Variants in NRG1 observed in about 807,000 individuals in gnomAD.
NRG1 encodes the protein neuregulin 1, also known as pro-neuregulin-1, membrane-bound isoform.
In NRG1, 18 loss-of-function variants were observed where a neutral mutation model predicts 63.8. The ratio of observed to expected loss-of-function variants is 0.28; its 90% confidence interval spans 0.19 to 0.42. The LOEUF (loss-of-function observed/expected upper bound fraction) is 0.42, where lower values mean the gene tolerates loss of function less well. Among genes scored for constraint, NRG1 ranks in the 10% least tolerant of loss-of-function variants. The probability of loss-of-function intolerance (pLI) is 1.00; values close to 1 mark genes in which losing one functional copy is unlikely to be tolerated. For missense variants in NRG1, 762 were observed against 814.7 expected (o/e 0.94, Z 0.79); for synonymous variants, 302 against 301.3 (o/e 1.00, Z -0.02).
chr8:32,206,301 A>T (rs544965522), intron 1 of NRG1, among the ~76,000 whole-genome samples: 1 of 152,084 alleles, frequency 6.6e-6, no homozygotes, highest in African/African-American at 2.4e-5. Flanking sequence ...TTCAGTACCT[A>T]ATGGCTCTCG....
intron 5 of NRG1, among the ~76,000 whole-genome samples, chr8:32,696,698 G>A (rs1589260510): frequency 9.1e-6 from 1 of 109,948 alleles, no homozygotes; most frequent in African/African-American, 3.6e-5. Context: ...TCGTGCTCTT[G>A]TTGCCCAGGC....
chr8:32,387,724 GA>G (rs5890644), intron 1 of NRG1, among the ~76,000 whole-genome samples: 82,707 of 146,678 alleles, frequency 0.56, 22,915 homozygotes, highest in South Asian at 0.63. Flanking sequence ...TGATGAAAAA[GA>G]AAAAAAAAAA....
intron 1 of NRG1, among the ~76,000 whole-genome samples, chr8:32,091,841 A>T (rs1829206041): frequency 6.6e-6 from 1 of 152,152 alleles, no homozygotes; most frequent in Non-Finnish European, 1.5e-5. Flanking sequence ...GAGGTCAGAA[A>T]GCTAAGGTGA....
chr8:32,607,096 A>T (rs1845409471), intron 3 of NRG1, among the ~76,000 whole-genome samples: 1 of 152,164 alleles, frequency 6.6e-6, no homozygotes, highest in African/African-American at 2.4e-5. Flanking sequence ...CATTACCATT[A>T]GGAGTCCTGT....
At chr8:32,527,052 T>C (rs780315562) in intron 1 of NRG1, among the ~76,000 whole-genome samples, 2 of 152,194 alleles carry the variant, frequency 1.3e-5, no homozygotes, top group Non-Finnish European at 2.9e-5. Flanking sequence ...AATTGGCATC[T>C]GTACTTGGAC....
rs117776748 is a variant in NRG1, at chr8:32,264,862, G to A, written c.38-330966G>A. On this transcript the variant is annotated intron_variant, in intron 1 of 10. Transcript: ENST00000519301. The stretch of plus-strand genomic sequence containing the variant: ...ATACGGTTTGGAAAGACTTCGTGGA[G>A]GAAGTGGCATATCAACAGGGACTTG... Among the ~76,000 whole-genome samples the A allele has an allele frequency of 6.3e-4, 96 of 152,162 alleles. 2 individuals carry two copies. The East Asian group carries it at 0.016, about 26-fold the overall frequency.
At chr8:31,949,971 CA>C (rs1803215565) in intron 1 of NRG1, among the ~76,000 whole-genome samples, 1 of 152,210 alleles carries the variant, frequency 6.6e-6, no homozygotes. Flanking sequence ...CATCCATTAG[CA>C]TGTCTTGGCT....
chr8:31,665,502 A>AG (rs1806436797), intron 1 of NRG1, among the ~76,000 whole-genome samples: 1 of 152,216 alleles, frequency 6.6e-6, no homozygotes, highest in South Asian at 2.1e-4. Flanking sequence ...AAGGAATTTC[A>AG]GGCAGAGAAT....
At chr8:32,443,074 A>G (rs575934500) in intron 1 of NRG1, among the ~76,000 whole-genome samples, 3 of 152,194 alleles carry the variant, frequency 2.0e-5, no homozygotes, top group East Asian at 3.9e-4. Context: ...AGCTAGGACT[A>G]CAAGTGGATG....
At chr8:32,481,338 T>TAATA (rs575195687) in intron 1 of NRG1, among the ~76,000 whole-genome samples, 12 of 116,712 alleles carry the variant, frequency 1.0e-4, no homozygotes, top group South Asian at 2.8e-4. Flanking sequence ...GAACCTGTCT[T>TAATA]AATAAATAAA....
chr8:32,346,378 T>TTGA (rs1804896265), intron 1 of NRG1, among the ~76,000 whole-genome samples: 1 of 151,502 alleles, frequency 6.6e-6, no homozygotes, highest in African/African-American at 2.4e-5. Flanking sequence ...TTTAAATCTG[T>TTGA]TGACCAAAAC....
intron 5 of NRG1, among the ~76,000 whole-genome samples, chr8:32,726,165 T>A (rs1183157602): frequency 6.6e-6 from 1 of 152,152 alleles, no homozygotes; most frequent in Non-Finnish European, 1.5e-5. Flanking sequence ...AACATGCACA[T>A]CCTTAGGAAT....
chr8:32,368,631 A>C (rs1300242498), intron 1 of NRG1, among the ~76,000 whole-genome samples: 1 of 152,176 alleles, frequency 6.6e-6, no homozygotes, highest in Admixed American at 6.5e-5. Context: ...TAGCTTGTTC[A>C]AGTGTAGAAG....
chr8:32,188,876 G>T (rs1214148485), intron 1 of NRG1, among the ~76,000 whole-genome samples: 3 of 151,716 alleles, frequency 2.0e-5, no homozygotes, highest in African/African-American at 4.8e-5. Flanking sequence ...TGAGTTAATG[G>T]GTGCAGCACA....
chr8:32,330,966 T>C (rs1802571312), intron 1 of NRG1, among the ~76,000 whole-genome samples: 1 of 152,206 alleles, frequency 6.6e-6, no homozygotes, highest in Non-Finnish European at 1.5e-5. Context: ...TTTTGTTTTG[T>C]TTTCCTGTAC....
chr8:32,489,314 A>G (rs1023888661), intron 1 of NRG1, among the ~76,000 whole-genome samples: 4 of 152,198 alleles, frequency 2.6e-5, no homozygotes, highest in Non-Finnish European at 4.4e-5. Flanking sequence ...TTGGCCTCTT[A>G]GTGCATATGT....
intron 5 of NRG1, among the ~76,000 whole-genome samples, chr8:32,640,620 GCACACACACACACACACACACACA>G (rs58796067): frequency 3.8e-5 from 5 of 132,224 alleles, no homozygotes; most frequent in African/African-American, 8.5e-5. Context: ...TCTCAGACCC[GCACACACACACACACACACACACA>G]CACACACACA....
exon 12 of NRG1, chr8:32,764,328 C>G: frequency 1.9e-6 from 3 of 1,613,724 alleles, no homozygotes; most frequent in Non-Finnish European, 1.7e-6. Flanking sequence ...CCCAGCAGGC[C>G]GCTTCTCGAC....
chr8:32,606,371 A>C (rs1440368465), intron 3 of NRG1, among the ~76,000 whole-genome samples: 2 of 151,966 alleles, frequency 1.3e-5, no homozygotes, highest in East Asian at 1.9e-4. Context: ...AGAGGCAATA[A>C]ATTTCCTACT....
Sources: allele counts gnomAD v4.1 joint callset (sites outside exome capture counted in the v4.1 genomes callset), GRCh38; gene constraint gnomAD v4.1.1; transcripts MANE v1.5; gene names NCBI Gene and HGNC (gene_info 2026-07-23, HGNC 2026-07-21).